The following SLC27A4 variants were observed in gnomAD, a reference collection of about 807,000 sequenced individuals.
SLC27A4 encodes the protein solute carrier family 27 member 4.
In SLC27A4, 33 loss-of-function variants were observed where a neutral mutation model predicts 64.4. The observed-to-expected ratio is 0.51, with a 90% CI of 0.39 to 0.68. The LOEUF (loss-of-function observed/expected upper bound fraction) is 0.68. Among genes scored for constraint, SLC27A4 ranks in the 30% least tolerant of loss-of-function variants. The pLI is 0.00. For missense variants in SLC27A4, 824 were observed against 883.5 expected, an observed-to-expected ratio of 0.93 and a Z score of 0.85; for synonymous variants, 377 against 370.0, an observed-to-expected ratio of 1.02 and a Z score of -0.22.
chr9:128,349,974 C>T (rs2131260933), intron 4 of SLC27A4, among the ~76,000 whole-genome samples: 1 of 152,320 alleles, frequency 6.6e-6, no homozygotes, highest in Middle Eastern at 3.4e-3. Flanking sequence ...GTCCTGTGCC[C>T]TCCCTCGGCA....
rs374740669 is a variant in SLC27A4, at chr9:128,355,495, G to A, written c.1560G>A (p.Glu520=). Residue 520 remains glutamate (E), a synonymous_variant, in exon 11 of 13, where the codon GAG becomes GAA. Coordinates refer to ENST00000300456, the MANE Select transcript of SLC27A4 (RefSeq NM_005094.4). ...RWKGENVSTT[E]VEGTLSRLLD... is the part of the protein sequence containing the mutation. ...AAGGTGAGAACGTGTCCACCACCGA[G>A]GTGGAAGGCACACTCAGCCGCCTGC... is the stretch of plus-strand genomic sequence containing the variant. The A allele has an allele frequency of 6.2e-7, 1 of 1,613,464 alleles. No individual in the cohort carries two copies.
intron 9 of SLC27A4, among the ~76,000 whole-genome samples, chr9:128,354,528 A>G (rs1184556323): frequency 2.0e-5 from 3 of 152,044 alleles, no homozygotes; most frequent in African/African-American, 7.2e-5. Flanking sequence ...ACTTATGTTC[A>G]TCCTCCCATC....
chr9:128,358,023 A>G (rs1384156452), intron 12 of SLC27A4, among the ~76,000 whole-genome samples: 1 of 152,128 alleles, frequency 6.6e-6, no homozygotes, highest in Non-Finnish European at 1.5e-5. Flanking sequence ...AGGCTCTCAG[A>G]CCTTGTATTT....
At chr9:128,349,729 T>C (rs561069042) in intron 4 of SLC27A4, among the ~76,000 whole-genome samples, 1 of 152,296 alleles carries the variant, frequency 6.6e-6, no homozygotes, top group East Asian at 1.9e-4. Context: ...ACCTCAAGTC[T>C]GGTAGGGCCG....
At position 128,355,145 on chromosome 9, in the gene SLC27A4, A is replaced by G. The variant is rs139251313; in HGVS notation, c.1417A>G (p.Ile473Val). ...YLNQGANNKKIAKDVFKKGDQ... is the reference protein window; with the variant it reads ...YLNQGANNKKVAKDVFKKGDQ... ...CAACCAGGGCGCCAACAACAAGAAG[A>G]TTGCCAAGGATGTCTTCAAGAAGGG... Residue 473 changes from isoleucine to valine, a missense_variant, in exon 10 of 13, where the codon ATT becomes GTT. Transcript: ENST00000300456. 2.5e-5 allele frequency: 40 copies of G among 1,613,526 alleles called. No individual in the cohort carries two copies. The African/African-American group carries it at 4.5e-4, about 18-fold the overall frequency.
At position 128,345,266 on chromosome 9, in the gene SLC27A4, G is replaced by T. The variant is rs376025892; in HGVS notation, c.273G>T (p.Thr91=). Residue 91 remains threonine (T), a synonymous_variant, in exon 3 of 13, where the codon ACG becomes ACT. Transcript: ENST00000300456. The surrounding 1 kb of genome is among the most constrained non-coding windows in gnomAD (Gnocchi z 4.1). The part of the protein sequence containing the change: ...ASTVRRHPDK[T]ALIFEGTDTH... ...CCGTTCGGCGCCACCCCGACAAGACGGCCCTGATCTTCGAGGGCACAGATA... is the reference window on the plus strand; with the variant it reads ...CCGTTCGGCGCCACCCCGACAAGACTGCCCTGATCTTCGAGGGCACAGATA... 6.2e-7 allele frequency: 1 copy of T among 1,613,812 alleles called. No homozygotes were observed. The highest frequency in any genetic ancestry group is 2.2e-5 in the East Asian group (1 of 44,884).
chr9:128,358,109 G>C (rs1327941823), intron 12 of SLC27A4, among the ~76,000 whole-genome samples: 1 of 152,222 alleles, frequency 6.6e-6, no homozygotes, highest in Non-Finnish European at 1.5e-5. Context: ...CCAGTTTATT[G>C]ATGCATAATT....
At chr9:128,352,783 C>G in intron 7 of SLC27A4, 36 bp downstream of exon 7, 1 of 1,479,574 alleles carries the variant, frequency 6.8e-7, no homozygotes, top group East Asian at 2.3e-5. Flanking sequence ...TGTCCCTTTC[C>G]CCTAGTTACC....
At chr9:128,344,530 CAAAA>C (rs376020512) in intron 2 of SLC27A4, among the ~76,000 whole-genome samples, 42 of 150,448 alleles carry the variant, frequency 2.8e-4, no homozygotes, top group African/African-American at 8.8e-4. Context: ...AAAAAAAAAA[CAAAA>C]AAACAAAGGT....
Position 128,360,784 on chromosome 9 carries a change from G to A in SLC27A4, c.*293G>A, listed in dbSNP as rs1220886090. On this transcript the variant is annotated 3_prime_UTR_variant, in exon 13 of 13. Transcript: ENST00000300456. Reference sequence around the variant, plus strand: ...ATGATGTCTTGGGTGAGGGTAGGGAGAGGACAAGGGGTCACCGAGCCCTTC... The same window carrying A: ...ATGATGTCTTGGGTGAGGGTAGGGAAAGGACAAGGGGTCACCGAGCCCTTC... 6.6e-6 allele frequency: 3 copies of A among 451,646 alleles called. No individual in the cohort carries two copies. Among genetic ancestry groups the A allele is most frequent in the African/African-American group, 4.0e-5 (2 of 50,202 alleles). 28.0% of individuals were successfully genotyped at this position (451,646 alleles called of 1,614,324 possible). A position where few individuals can be genotyped will look rare whatever the true frequency, so the allele number is the denominator to read the frequency against.
In SLC27A4 at chr9:128,345,517, G is replaced by A. The variant is rs550881707; in HGVS notation, c.524G>A (p.Arg175Gln). The change falls in exon 3 of 13, where the codon CGG becomes CAG. Residue 175 changes from arginine to glutamine, a missense_variant. Transcript: ENST00000300456. This position sits in a 1 kb window ranked among gnomAD's most constrained non-coding sequence, Gnocchi z 4.1. ...CACTGCCTCACCACCTCGCGCGCAC[G>A]GGCCCTTGTCTTTGGCAGCGAAATG... ...LLHCLTTSRA[R>Q]ALVFGSEMAS... The A allele has an allele frequency of 2.4e-5, 39 of 1,609,078 alleles. No individual in the cohort carries two copies. Among genetic ancestry groups the A allele is most frequent in the Middle Eastern group, 3.3e-4 (2 of 6,038 alleles).
chr9:128,355,344 C>G, intron 10 of SLC27A4, 54 bp from the exon 11 acceptor site: 1 of 1,610,096 alleles, frequency 6.2e-7, no homozygotes, highest in Non-Finnish European at 8.5e-7. Flanking sequence ...CTGGCTTGAG[C>G]CCTGGTCTCA....
chr9:128,357,421 C>CA (rs1832836952), intron 12 of SLC27A4, among the ~76,000 whole-genome samples: 1 of 152,034 alleles, frequency 6.6e-6, no homozygotes. Context: ...GCCTGGGCGA[C>CA]AGAGTGAGAC....
chr9:128,354,190 C>T (rs1832782911), intron 9 of SLC27A4, among the ~76,000 whole-genome samples: 1 of 151,880 alleles, frequency 6.6e-6, no homozygotes, highest in African/African-American at 2.4e-5. Context: ...GTGATCCATC[C>T]ACCTCGGCCT....
At chr9:128,355,628 G>C (rs890424911) in intron 11 of SLC27A4, 22 bp from the exon 12 acceptor site, 12 of 1,608,466 alleles carry the variant, frequency 7.5e-6, no homozygotes, top group Non-Finnish European at 9.3e-6. Flanking sequence ...CAGCTACTCA[G>C]TGTCTACCCT....
chr9:128,347,162 T>A (rs1480684834), intron 3 of SLC27A4, among the ~76,000 whole-genome samples: 1 of 152,178 alleles, frequency 6.6e-6, no homozygotes, highest in Non-Finnish European at 1.5e-5. Context: ...AGAGCCTGCA[T>A]TTTATTTGCT....
chr9:128,350,507 T>C lies in SLC27A4; in HGVS notation c.809T>C (p.Val270Ala), dbSNP rs1003408443. The C allele has an allele frequency of 5.0e-6, 8 of 1,613,940 alleles. No homozygotes were observed. In the African/African-American group the frequency reaches 1.1e-4, roughly 22 times the overall value. The change falls in exon 6 of 13, where the codon GTG (valine) becomes GCG (alanine). Residue 270 changes from valine to alanine, a missense_variant. Transcript: ENST00000300456. ...HSRYYRMAAL[V>A]YYGFRMRPND... The stretch of plus-strand genomic sequence containing the variant: ...AGGTATTACCGCATGGCTGCCCTGG[T>C]GTACTATGGATTCCGCATGCGGCCC...
At chr9:128,352,840 C>T (rs1832757796) in intron 7 of SLC27A4, 93 bp downstream of exon 7, 2 of 1,126,680 alleles carry the variant, frequency 1.8e-6, no homozygotes, top group Non-Finnish European at 2.7e-6. Flanking sequence ...GCTGAGGTGG[C>T]CAGTCATTCC....
intron 9 of SLC27A4, among the ~76,000 whole-genome samples, chr9:128,354,565 C>T (rs1011374266): frequency 3.9e-5 from 6 of 152,060 alleles, no homozygotes; most frequent in African/African-American, 1.2e-4. Flanking sequence ...ATCACTGGCT[C>T]AGTGTGTCCG....
Sources: allele counts gnomAD v4.1 joint callset (sites outside exome capture counted in the v4.1 genomes callset), GRCh38; gene constraint gnomAD v4.1.1; non-coding constraint Gnocchi (gnomAD v3.1); transcripts MANE v1.5; gene names NCBI Gene and HGNC (gene_info 2026-07-23, HGNC 2026-07-21).